Variants in NANOS3 observed in about 807,000 individuals in gnomAD.
NANOS3 encodes nanos homolog 3.
Under a neutral mutation model 13.8 loss-of-function variants are expected in NANOS3, and 11 were observed. The observed-to-expected ratio is 0.80, with a 90% CI of 0.50 to 1.32. The LOEUF is 1.32. NANOS3 is among the 40% of genes most tolerant of loss of function. NANOS3 has a pLI of 0.00. For synonymous variants in NANOS3, 119 were observed against 115.4 expected (o/e 1.03, Z -0.20); for missense variants, 221 against 263.8 (o/e 0.84, Z 1.12).
chr19:13,875,188 C>CTTTT (rs376046818), upstream of NANOS3, among the ~76,000 whole-genome samples: 1 of 141,868 alleles, frequency 7.0e-6, no homozygotes, highest in Non-Finnish European at 1.6e-5. Context: ...CTAAAATCCC[C>CTTTT]TTTTTTTTTT....
In NANOS3 at chr19:13,880,432, C is replaced by T. The variant is rs747862569; in HGVS notation, c.518-10C>T. On this transcript the variant is annotated splice_polypyrimidine_tract_variant and intron_variant, in intron 1 of 1. Transcript: ENST00000339133. ...GTGATTAAGCATTTCTCTCCCTCCCCCTCCACTAGGTTTCAGAGGTGCCGG... is the reference window on the plus strand; with the variant it reads ...GTGATTAAGCATTTCTCTCCCTCCCTCTCCACTAGGTTTCAGAGGTGCCGG... 1 of 1,613,476 alleles carries T rather than the reference C, an allele frequency of 6.2e-7. No individual in the cohort carries two copies. Among genetic ancestry groups the T allele is most frequent in the African/African-American group, 1.3e-5 (1 of 74,916 alleles).
rs1968615624 is a variant in NANOS3, at chr19:13,880,496, C to G, written c.572C>G (p.Ser191Cys). The G allele has an allele frequency of 6.2e-7, 1 of 1,613,622 alleles. No individual in the cohort carries two copies. The highest frequency in any genetic ancestry group is 8.5e-7 in the Non-Finnish European group (1 of 1,179,752). ...EPSPSCSPSM[S>C]T ...TCGCCCTCCTGCTCTCCCTCCATGT[C>G]CACCTAGGAGGCTGCCTACACCTGG... Residue 191 changes from serine to cysteine, a missense_variant, in exon 2 of 2, where the codon TCC (serine) becomes TGC (cysteine). Ser to Cys is a moderately radical substitution (Grantham distance 112). Transcript: ENST00000339133.
upstream of NANOS3, among the ~76,000 whole-genome samples, chr19:13,874,226 A>T (rs973383093): frequency 6.6e-6 from 1 of 152,048 alleles, no homozygotes; most frequent in Admixed American, 6.5e-5. Flanking sequence ...TTCCTAAACC[A>T]TCGTGCCCGG....
chr19:13,872,861 C>G (rs1203083993), upstream of NANOS3, among the ~76,000 whole-genome samples: 1 of 150,068 alleles, frequency 6.7e-6, no homozygotes, highest in Admixed American at 6.6e-5. Flanking sequence ...CGACCCGGGG[C>G]GGGTGAGAGG....
upstream of NANOS3, among the ~76,000 whole-genome samples, chr19:13,873,429 G>T (rs983070896): frequency 4.6e-5 from 7 of 152,058 alleles, no homozygotes; most frequent in African/African-American, 1.7e-4. Context: ...GTTATTTTGG[G>T]CCTCAGTATT....
At chr19:13,876,727 GC>G (rs1568365408), upstream of NANOS3, among the ~76,000 whole-genome samples, 1 of 152,136 alleles carries the variant, frequency 6.6e-6, no homozygotes, top group Non-Finnish European at 1.5e-5. Flanking sequence ...GGGGCACCTG[GC>G]CACTCCCCCG....
At chr19:13,880,322 G>A (rs76781192) in intron 1 of NANOS3, 120 bp from the exon 2 acceptor site, 22,653 of 874,572 alleles carry the variant, frequency 0.026, 415 homozygotes, top group Non-Finnish European at 0.033. Flanking sequence ...CGCTGTCTCC[G>A]GAGCAGCCCC....
upstream of NANOS3, among the ~76,000 whole-genome samples, chr19:13,875,162 G>A (rs543287181): frequency 1.3e-5 from 2 of 151,948 alleles, no homozygotes; most frequent in South Asian, 2.1e-4. Flanking sequence ...GGGGTAAACA[G>A]GCTGGGGCAG....
Position 13,880,363 on chromosome 19 carries a change from A to G in NANOS3, c.518-79A>G. On this transcript the variant is annotated intron_variant, in intron 1 of 1. Coordinates refer to ENST00000339133, the MANE Select transcript of NANOS3 (RefSeq NM_001098622.3). ...GGCGCCAGAGGTCCAGCAGGCCCGG[A>G]GGCCGAGTCCGTGGGCAACTTGGGG... 2.9e-6 allele frequency: 4 copies of G among 1,362,142 alleles called. No individual in the cohort carries two copies. The South Asian group carries it at 4.8e-5, about 16-fold the overall frequency. 84.4% of individuals were successfully genotyped at this position (1,362,142 alleles called of 1,614,324 possible).
At position 13,880,483 on chromosome 19, in the gene NANOS3, T is replaced by C. The variant is rs1205049527; in HGVS notation, c.559T>C (p.Ser187Pro). The change falls in exon 2 of 2, where the codon TCT becomes CCT. Residue 187 changes from serine to proline, a missense_variant. By Grantham distance (74) the Ser-to-Pro change is moderately conservative. Coordinates refer to ENST00000339133, the MANE Select transcript of NANOS3 (RefSeq NM_001098622.3). ...AGKSEPSPSC[S>P]PSMST is the part of the protein sequence containing the mutation. Reference sequence around the variant, plus strand: ...GAAGTCTGAGCCTTCGCCCTCCTGCTCTCCCTCCATGTCCACCTAGGAGGC... The same window carrying C: ...GAAGTCTGAGCCTTCGCCCTCCTGCCCTCCCTCCATGTCCACCTAGGAGGC... 12 of 1,613,808 alleles carry C rather than the reference T, an allele frequency of 7.4e-6. No homozygotes were observed. Among genetic ancestry groups the C allele is most frequent in the Non-Finnish European group, 1.0e-5 (12 of 1,179,834 alleles).
chr19:13,877,174 CAGA>C lies in NANOS3; in HGVS notation c.-72_-70del. 2 of 1,292,864 alleles carry C rather than the reference CAGA, an allele frequency of 1.5e-6. No individual in the cohort carries two copies. The highest frequency in any genetic ancestry group is 2.7e-5 in the South Asian group (2 of 75,164). The allele number at this position is 1,292,864 out of a possible 1,614,324, so 80.1% of individuals were successfully genotyped here. On this transcript the variant is annotated 5_prime_UTR_variant, in exon 1 of 2. Transcript: ENST00000339133. Reference sequence around the variant, plus strand: ...GAAGGAAGGGGCAGCAGAGAGGGGTCAGAAGGAGGGAGCTTAAGCCAGGCAGGG... The same window carrying C: ...GAAGGAAGGGGCAGCAGAGAGGGGTCAGGAGGGAGCTTAAGCCAGGCAGGG...
intron 1 of NANOS3, among the ~76,000 whole-genome samples, chr19:13,866,322 C>T (rs920997341): frequency 2.0e-5 from 3 of 151,850 alleles, no homozygotes; most frequent in Non-Finnish European, 2.9e-5. Context: ...AGACGTCCCC[C>T]CCACGGTCCC....
rs1162833742 is a variant in NANOS3, at chr19:13,879,097, G to A, written c.517+1332G>A. 6.6e-5 allele frequency among the ~76,000 whole-genome samples: 10 copies of A among 151,860 alleles called. No homozygotes were observed. In the South Asian group the frequency reaches 1.2e-3, roughly 19 times the overall value. Reference sequence around the variant, plus strand: ...TGGGATTACAGGCACCCACCACCACGCACGGCTAATTTTTGTATTTTTAGT... The same window carrying A: ...TGGGATTACAGGCACCCACCACCACACACGGCTAATTTTTGTATTTTTAGT... On this transcript the variant is annotated intron_variant, in intron 1 of 1. Coordinates refer to ENST00000339133, the MANE Select transcript of NANOS3 (RefSeq NM_001098622.3).
chr19:13,869,449 C>T (rs1034880372), intron 1 of NANOS3, among the ~76,000 whole-genome samples: 1 of 152,136 alleles, frequency 6.6e-6, no homozygotes, highest in Non-Finnish European at 1.5e-5. Flanking sequence ...GCCCACCCAC[C>T]GCCCACGGGC....
At chr19:13,877,890 A>G in intron 1 of NANOS3, 125 bp downstream of exon 1, 1 of 1,417,308 alleles carries the variant, frequency 7.1e-7, no homozygotes, top group Non-Finnish European at 9.2e-7. Context: ...AGCTTAGAAC[A>G]GCAGTTGATT....
At chr19:13,864,970 TC>T (rs1212833133), upstream of NANOS3, among the ~76,000 whole-genome samples, 1 of 151,564 alleles carries the variant, frequency 6.6e-6, no homozygotes, top group Non-Finnish European at 1.5e-5. Flanking sequence ...GCGCGTGTGC[TC>T]CCCCCGGCGC....
chr19:13,867,415 C>T (rs577322189), intron 1 of NANOS3, among the ~76,000 whole-genome samples: 2 of 152,202 alleles, frequency 1.3e-5, no homozygotes, highest in East Asian at 3.9e-4. Flanking sequence ...CAGGTGCGCA[C>T]CACCACACCT....
At chr19:13,878,674 G>A (rs773014079) in intron 1 of NANOS3, among the ~76,000 whole-genome samples, 2 of 149,778 alleles carry the variant, frequency 1.3e-5, no homozygotes, top group Non-Finnish European at 3.0e-5. Context: ...GAGTTCAGTG[G>A]TGCGATCTTG....
chr19:13,877,488 C>G lies in NANOS3; in HGVS notation c.240C>G (p.Cys80Trp). ...CTCCCGAACGCCTGTGCTCTTTCTG[C>G]AAACACAACGGCGAGTCCCGGGCCA... ...SPAPERLCSFCKHNGESRAIY... is the reference protein window; with the variant it reads ...SPAPERLCSFWKHNGESRAIY... Residue 80 changes from cysteine (C) to tryptophan (W), a missense_variant, in exon 1 of 2, where the codon TGC becomes TGG. Transcript: ENST00000339133. 6.2e-7 allele frequency: 1 copy of G among 1,611,600 alleles called. No individual in the cohort carries two copies. Among genetic ancestry groups the G allele is most frequent in the Non-Finnish European group, 8.5e-7 (1 of 1,179,982 alleles).
Sources: gnomAD v4.1 joint callset for allele counts (sites outside exome capture counted in the v4.1 genomes callset) on GRCh38, gnomAD v4.1.1 for gene constraint, MANE v1.5 for transcripts, NCBI Gene and HGNC (gene_info 2026-07-23, HGNC 2026-07-21) for gene names.